KCTD16: variants seen among roughly 807,000 people sequenced by gnomAD.
The protein encoded by KCTD16 is potassium channel tetramerization domain containing 16, also known as BTB/POZ domain-containing protein KCTD16.
Under a neutral mutation model 33.2 loss-of-function variants are expected in KCTD16, and 13 were observed. The observed-to-expected ratio is 0.39, with a 90% CI of 0.25 to 0.62. KCTD16 has a LOEUF of 0.62. KCTD16 is among the 20% of genes least tolerant of loss of function. The pLI, the probability that KCTD16 is intolerant of heterozygous loss-of-function variation, is 0.50. For missense variants in KCTD16, 441 were observed against 525.1 expected (o/e 0.84, Z 1.57); for synonymous variants, 197 against 195.3 (o/e 1.01, Z -0.07).
chr5:144,227,485 G>T (rs1459078016), intron 3 of KCTD16, among the ~76,000 whole-genome samples: 4 of 152,226 alleles, frequency 2.6e-5, no homozygotes, highest in Non-Finnish European at 5.9e-5. Flanking sequence ...ATAGGTCTTT[G>T]TAAGGACTTT....
intron 3 of KCTD16, among the ~76,000 whole-genome samples, chr5:144,405,496 C>A (rs1280214604): frequency 1.3e-5 from 2 of 152,162 alleles, no homozygotes; most frequent in African/African-American, 2.4e-5. Flanking sequence ...TGGAGACCTG[C>A]CAGTAACTAT....
chr5:144,356,973 AT>A (rs1374599819), intron 3 of KCTD16, among the ~76,000 whole-genome samples: 1 of 152,168 alleles, frequency 6.6e-6, no homozygotes, highest in Non-Finnish European at 1.5e-5. Context: ...AGCCTTTGGC[AT>A]TTGATTTAAG....
chr5:144,198,131 T>A (rs1752972713), intron 2 of KCTD16, among the ~76,000 whole-genome samples: 1 of 152,234 alleles, frequency 6.6e-6, no homozygotes, highest in African/African-American at 2.4e-5. Flanking sequence ...TAGAACTCAA[T>A]GTCTGAGAAA....
chr5:144,327,191 T>C (rs1282387109), intron 3 of KCTD16, among the ~76,000 whole-genome samples: 2 of 152,162 alleles, frequency 1.3e-5, no homozygotes, highest in Non-Finnish European at 2.9e-5. Flanking sequence ...CTACATAATA[T>C]TGGTGGCCTG....
chr5:144,399,188 G>A (rs947666543), intron 3 of KCTD16, among the ~76,000 whole-genome samples: 1 of 152,146 alleles, frequency 6.6e-6, no homozygotes, highest in Non-Finnish European at 1.5e-5. Flanking sequence ...ACGTGGCACA[G>A]ATGTATTATC....
At chr5:144,409,775 C>T (rs1406921133) in intron 3 of KCTD16, among the ~76,000 whole-genome samples, 1 of 151,976 alleles carries the variant, frequency 6.6e-6, no homozygotes, top group Non-Finnish European at 1.5e-5. Flanking sequence ...CGAGATCATG[C>T]CACTGCACTC....
chr5:144,380,629 G>T (rs1381922867), intron 3 of KCTD16, among the ~76,000 whole-genome samples: 1 of 152,064 alleles, frequency 6.6e-6, no homozygotes, highest in African/African-American at 2.4e-5. Flanking sequence ...CATGGTACTG[G>T]TACAAAACCA....
At chr5:144,412,655 G>A (rs1752957721) in intron 3 of KCTD16, among the ~76,000 whole-genome samples, 1 of 152,162 alleles carries the variant, frequency 6.6e-6, no homozygotes, top group African/African-American at 2.4e-5. Context: ...GGAGGCTGAG[G>A]TGGGCAGATC....
intron 3 of KCTD16, among the ~76,000 whole-genome samples, chr5:144,302,347 A>G (rs1751464494): frequency 6.6e-6 from 1 of 152,234 alleles, no homozygotes; most frequent in Non-Finnish European, 1.5e-5. Context: ...ACAAGAATAT[A>G]TGTTGTCACA....
Position 144,207,525 on chromosome 5 carries a change from T to C in KCTD16, c.811T>C (p.Tyr271His). The C allele has an allele frequency of 3.7e-6, 6 of 1,612,986 alleles. No individual in the cohort carries two copies. Among genetic ancestry groups the C allele is most frequent in the Non-Finnish European group, 5.1e-6 (6 of 1,179,258 alleles). Residue 271 changes from tyrosine (Y) to histidine (H), a missense_variant, in exon 3 of 4, where the codon TAC becomes CAC. By Grantham distance (83) the Tyr-to-His change is moderately conservative. Transcript: ENST00000512467. Reference sequence around the variant, plus strand: ...TACAGATGACAAGATCTGGTCAAGCTACACTGAATATGTCTTCTACCGTAA... The same window carrying C: ...TACAGATGACAAGATCTGGTCAAGCCACACTGAATATGTCTTCTACCGTAA... ...QYTDDKIWSSYTEYVFYREPS... is the reference protein window; with the variant it reads ...QYTDDKIWSSHTEYVFYREPS...
chr5:144,422,119 G>C (rs1753225694), intron 3 of KCTD16, among the ~76,000 whole-genome samples: 1 of 152,154 alleles, frequency 6.6e-6, no homozygotes, highest in Non-Finnish European at 1.5e-5. Context: ...ACAAAGCAGA[G>C]AATGTAAAAC....
intron 3 of KCTD16, among the ~76,000 whole-genome samples, chr5:144,312,566 C>T (rs1319296438): frequency 1.3e-5 from 2 of 152,124 alleles, no homozygotes; most frequent in African/African-American, 4.8e-5. Flanking sequence ...AGTTTGTTCA[C>T]TACAAGCATG....
intron 3 of KCTD16, among the ~76,000 whole-genome samples, chr5:144,442,844 C>T (rs529646257): frequency 5.3e-5 from 8 of 150,066 alleles, no homozygotes; most frequent in South Asian, 2.1e-4. Context: ...TGAGTGACAC[C>T]TTTGCTCTAT....
chr5:144,206,907 C>A lies in KCTD16; in HGVS notation c.193C>A (p.Leu65Ile). The A allele has an allele frequency of 6.2e-7, 1 of 1,614,182 alleles. No individual in the cohort carries two copies. The highest frequency in any genetic ancestry group is 2.2e-5 in the East Asian group (1 of 44,878). Residue 65 changes from leucine (L) to isoleucine (I), a missense_variant, in exon 3 of 4, where the codon CTA (leucine) becomes ATA (isoleucine). Around this residue, in one of 3 missense-constraint regions of KCTD16, gnomAD observed 80 missense variants for 88.5 expected, o/e 0.90. Transcript: ENST00000512467. ...FSPKRDTAND[L>I]AKDSKGRFFI... Reference sequence around the variant, plus strand: ...CCCAAAGAGAGACACGGCTAATGATCTAGCCAAGGACTCCAAGGGAAGGTT... The same window carrying A: ...CCCAAAGAGAGACACGGCTAATGATATAGCCAAGGACTCCAAGGGAAGGTT...
At chr5:144,187,953 G>A (rs547387341) in intron 2 of KCTD16, among the ~76,000 whole-genome samples, 3 of 152,236 alleles carry the variant, frequency 2.0e-5, no homozygotes, top group East Asian at 1.9e-4. Context: ...CAGCCCCACC[G>A]GAAGTGGATG....
chr5:144,335,981 AG>A (rs955751248), intron 3 of KCTD16, among the ~76,000 whole-genome samples: 4 of 152,176 alleles, frequency 2.6e-5, no homozygotes, highest in African/African-American at 9.6e-5. Flanking sequence ...CCTGTTGGGC[AG>A]GGTTTTCTTG....
At chr5:144,352,774 A>G (rs1751475285) in intron 3 of KCTD16, among the ~76,000 whole-genome samples, 1 of 152,232 alleles carries the variant, frequency 6.6e-6, no homozygotes, top group African/African-American at 2.4e-5. Context: ...GTGAAGTCAG[A>G]ACATTGAGAT....
At chr5:144,465,982 G>A (rs1754322709) in intron 3 of KCTD16, among the ~76,000 whole-genome samples, 1 of 151,942 alleles carries the variant, frequency 6.6e-6, no homozygotes, top group Non-Finnish European at 1.5e-5. Flanking sequence ...GGGATTACAG[G>A]CGTCTGCCAC....
At chr5:144,350,790 T>G (rs1751401861) in intron 3 of KCTD16, among the ~76,000 whole-genome samples, 2 of 152,080 alleles carry the variant, frequency 1.3e-5, no homozygotes, top group South Asian at 4.1e-4. Flanking sequence ...TTTCTCTCTC[T>G]CTTTACTCTT....
Sources: gnomAD v4.1 joint callset for allele counts (sites outside exome capture counted in the v4.1 genomes callset) on GRCh38, gnomAD v4.1.1 for gene constraint, gnomAD v4.1.1 regional missense constraint, MANE v1.5 for transcripts, NCBI Gene and HGNC (gene_info 2026-07-23, HGNC 2026-07-21) for gene names.